The following ACTR10 variants were observed in gnomAD, a reference collection of about 807,000 sequenced individuals.
ACTR10 encodes actin related protein 10, also known as actin-related protein 10.
A neutral mutation model predicts 56.2 loss-of-function variants in ACTR10; 43 were observed. That is an observed-to-expected ratio of 0.77 (90% CI 0.60 to 0.99). ACTR10 has a LOEUF of 0.99. ACTR10 is among the 50% of genes least tolerant of loss of function. The pLI, the probability that ACTR10 is intolerant of heterozygous loss-of-function variation, is 0.00. For missense variants in ACTR10, 466 were observed against 507.8 expected (o/e 0.92, Z 0.79); for synonymous variants, 170 against 176.3 (o/e 0.96, Z 0.28).
chr14:58,207,622 G>T (rs1468061713), intron 2 of ACTR10, among the ~76,000 whole-genome samples: 1 of 152,134 alleles, frequency 6.6e-6, no homozygotes, highest in Non-Finnish European at 1.5e-5. Flanking sequence ...ACCACACCTG[G>T]CCTCAAAGCT....
At chr14:58,202,721 T>A in intron 1 of ACTR10, 134 bp from the exon 2 acceptor site, 1 of 534,030 alleles carries the variant, frequency 1.9e-6, no homozygotes, top group South Asian at 3.2e-5. Flanking sequence ...TTTTTTTTGA[T>A]CCCTTAAAAT....
intron 8 of ACTR10, among the ~76,000 whole-genome samples, chr14:58,221,037 A>T (rs1284075549): frequency 1.3e-5 from 2 of 152,126 alleles, no homozygotes; most frequent in Non-Finnish European, 2.9e-5. Flanking sequence ...TAATCCCAGC[A>T]CTTTGGGAGG....
intron 1 of ACTR10, among the ~76,000 whole-genome samples, chr14:58,201,284 A>C (rs192885389): frequency 4.3e-4 from 66 of 152,264 alleles, no homozygotes. Context: ...GCCCTTCCTT[A>C]TTTATATTTT....
intron 8 of ACTR10, among the ~76,000 whole-genome samples, chr14:58,223,206 G>A (rs747817816): frequency 2.6e-5 from 4 of 151,856 alleles, no homozygotes; most frequent in South Asian, 2.1e-4. Flanking sequence ...GCGCGATCTC[G>A]GCTCACTGCA....
In ACTR10 at chr14:58,207,920, T is replaced by C. The variant is rs991878417; in HGVS notation, c.151-16T>C. Reference sequence around the variant, plus strand: ...TTTATTAATATAAATTAATAAATCATTTTAATTTTTTACAGCCTGTCAGAG... The same window carrying C: ...TTTATTAATATAAATTAATAAATCACTTTAATTTTTTACAGCCTGTCAGAG... On this transcript the variant is annotated splice_polypyrimidine_tract_variant and intron_variant, in intron 2 of 12. Transcript: ENST00000254286. The C allele has an allele frequency of 3.6e-6, 5 of 1,378,226 alleles. No individual in the cohort carries two copies. Among genetic ancestry groups the C allele is most frequent in the African/African-American group, 1.5e-5 (1 of 65,960 alleles). 85.4% of individuals were successfully genotyped at this position (1,378,226 alleles called of 1,614,324 possible).
chr14:58,205,890 C>G (rs1359422965), intron 2 of ACTR10, among the ~76,000 whole-genome samples: 1 of 151,748 alleles, frequency 6.6e-6, no homozygotes, highest in Non-Finnish European at 1.5e-5. Flanking sequence ...GGTGTAGTGG[C>G]AGGCACCTGT....
At chr14:58,221,449 C>G (rs1049099727) in intron 8 of ACTR10, among the ~76,000 whole-genome samples, 1 of 151,866 alleles carries the variant, frequency 6.6e-6, no homozygotes, top group Non-Finnish European at 1.5e-5. Flanking sequence ...AAAAATTAAC[C>G]AGGTGTGGTG....
intron 8 of ACTR10, among the ~76,000 whole-genome samples, chr14:58,221,999 T>C (rs1030752327): frequency 1.3e-5 from 2 of 152,136 alleles, no homozygotes; most frequent in African/African-American, 4.8e-5. Context: ...ATAAAACATA[T>C]AAGTAGCTTT....
In ACTR10 at chr14:58,234,699, C is replaced by A. The variant is rs1889634057; in HGVS notation, c.*148C>A. The stretch of plus-strand genomic sequence containing the variant: ...TTACTCTTTGCATTAATATATAATT[C>A]TTTTGACTTTGTTTCTCTTGTGTAG... On this transcript the variant is annotated 3_prime_UTR_variant, in exon 13 of 13. Transcript: ENST00000254286. The A allele has an allele frequency of 1.5e-6, 1 of 651,376 alleles. No individual in the cohort carries two copies. Among genetic ancestry groups the A allele is most frequent in the Non-Finnish European group, 2.3e-6 (1 of 434,576 alleles). 40.3% of individuals were successfully genotyped at this position (651,376 alleles called of 1,614,324 possible).
intron 2 of ACTR10, among the ~76,000 whole-genome samples, chr14:58,203,718 C>G (rs1888785466): frequency 6.6e-6 from 1 of 151,972 alleles, no homozygotes; most frequent in Non-Finnish European, 1.5e-5. Flanking sequence ...GTTTCAAAAC[C>G]CAGAGAATTT....
chr14:58,218,410 G>A (rs1345322373), intron 7 of ACTR10, among the ~76,000 whole-genome samples: 6 of 152,198 alleles, frequency 3.9e-5, no homozygotes, highest in Non-Finnish European at 8.8e-5. Flanking sequence ...TCTTTAGTAT[G>A]TCTGTTTATT....
Position 58,212,615 on chromosome 14 carries a change from T to G in ACTR10, c.451-1016T>G, listed in dbSNP as rs886858555. Among the ~76,000 whole-genome samples the G allele has an allele frequency of 4.6e-5, 7 of 152,218 alleles. No homozygotes were observed. The East Asian group carries it at 9.6e-4, about 21-fold the overall frequency. On this transcript the variant is annotated intron_variant, in intron 5 of 12. Coordinates refer to ENST00000254286, the MANE Select transcript of ACTR10 (RefSeq NM_018477.3). Reference sequence around the variant, plus strand: ...TTAAAACAACCATGCAACATGAGTATTATTATTCTCCTTATATAAATGAGA... The same window carrying G: ...TTAAAACAACCATGCAACATGAGTAGTATTATTCTCCTTATATAAATGAGA...
chr14:58,202,454 G>C (rs1888741715), intron 1 of ACTR10, among the ~76,000 whole-genome samples: 1 of 151,580 alleles, frequency 6.6e-6, no homozygotes, highest in Admixed American at 6.6e-5. Flanking sequence ...CGTGGTGGCC[G>C]GCACCTGTAG....
chr14:58,222,204 C>T (rs1889290593), intron 8 of ACTR10, among the ~76,000 whole-genome samples: 1 of 152,002 alleles, frequency 6.6e-6, no homozygotes. Context: ...ACAAGTAATA[C>T]AACCAAGTTG....
At chr14:58,200,428 G>A (rs1056052294) in intron 1 of ACTR10, 134 bp downstream of exon 1, 6 of 569,844 alleles carry the variant, frequency 1.1e-5, no homozygotes, top group Middle Eastern at 4.3e-4. Context: ...CAGCGCCCTT[G>A]CAAATAACAG....
At chr14:58,213,590 T>C in intron 5 of ACTR10, 41 bp from the exon 6 acceptor site, 1 of 1,423,538 alleles carries the variant, frequency 7.0e-7, no homozygotes, top group Non-Finnish European at 9.7e-7. Context: ...GGAAACCACA[T>C]TTTATCTCCT....
intron 7 of ACTR10, among the ~76,000 whole-genome samples, chr14:58,217,550 C>T (rs1889161452): frequency 6.6e-6 from 1 of 151,720 alleles, no homozygotes; most frequent in African/African-American, 2.4e-5. Flanking sequence ...CCTGTAATCC[C>T]AGCTACTCGG....
Position 58,234,693 on chromosome 14 carries a change from A to C in ACTR10, c.*142A>C. 2 of 694,030 alleles carry C rather than the reference A, an allele frequency of 2.9e-6. No individual in the cohort carries two copies. The highest frequency in any genetic ancestry group is 4.3e-6 in the Non-Finnish European group (2 of 468,482). 43.0% of individuals were successfully genotyped at this position (694,030 alleles called of 1,614,324 possible). A position where few individuals can be genotyped will look rare whatever the true frequency, so the allele number is the denominator to read the frequency against. On this transcript the variant is annotated 3_prime_UTR_variant, in exon 13 of 13. Transcript: ENST00000254286. ...CTGTGTTTACTCTTTGCATTAATAT[A>C]TAATTCTTTTGACTTTGTTTCTCTT...
intron 5 of ACTR10, 162 bp from the exon 6 acceptor site, chr14:58,213,469 G>T (rs1464211528): frequency 2.1e-6 from 1 of 468,442 alleles, no homozygotes; most frequent in African/African-American, 2.0e-5. Context: ...TGAAGAACAT[G>T]AAAAAAAACT....
Sources: gnomAD v4.1 joint callset for allele counts (sites outside exome capture counted in the v4.1 genomes callset) on GRCh38, gnomAD v4.1.1 for gene constraint, MANE v1.5 for transcripts, NCBI Gene and HGNC (gene_info 2026-07-23, HGNC 2026-07-21) for gene names.